SAMD5: variants seen among roughly 807,000 people sequenced by gnomAD.
SAMD5 encodes sterile alpha motif domain containing 5.
A neutral mutation model predicts 11.3 loss-of-function variants in SAMD5; 13 were observed. That is an observed-to-expected ratio of 1.15 (90% CI 0.75 to 1.83). The LOEUF (loss-of-function observed/expected upper bound fraction) is 1.83, where lower values mean the gene tolerates loss of function less well. Ranked by LOEUF, SAMD5 falls within the 40% of genes most tolerant of loss-of-function variation. The probability of loss-of-function intolerance (pLI) is 0.00; values close to 1 mark genes in which losing one functional copy is unlikely to be tolerated. For missense variants in SAMD5, 255 were observed against 239.1 expected, an observed-to-expected ratio of 1.07 and a Z score of -0.44; for synonymous variants, 129 against 111.3, an observed-to-expected ratio of 1.16 and a Z score of -1.00.
intron 1 of SAMD5, among the ~76,000 whole-genome samples, chr6:147,593,044 G>A (rs1454183095): frequency 1.3e-5 from 2 of 152,112 alleles, no homozygotes; most frequent in Non-Finnish European, 2.9e-5. Flanking sequence ...GGTTGTGAGG[G>A]ATTGGGTTTG....
the SAMD5 span, among the ~76,000 whole-genome samples, chr6:147,812,577 G>T: frequency 2.0e-5 from 3 of 151,738 alleles, no homozygotes; most frequent in Non-Finnish European, 4.4e-5. Flanking sequence ...TAAAAATCTT[G>T]CCCCAAATTT....
the SAMD5 span, among the ~76,000 whole-genome samples, chr6:147,887,726 G>A: frequency 6.6e-6 from 1 of 152,112 alleles, no homozygotes; most frequent in Non-Finnish European, 1.5e-5. Flanking sequence ...TGGTACCTAT[G>A]TTTAAATTTT....
chr6:147,739,433 A>G (rs562631061), downstream of SAMD5, among the ~76,000 whole-genome samples: 21 of 152,188 alleles, frequency 1.4e-4, no homozygotes, highest in African/African-American at 4.3e-4. Flanking sequence ...CATTTCTACC[A>G]AAAATAAAAA....
chr6:147,791,814 T>TACTAG, the SAMD5 span, among the ~76,000 whole-genome samples: 1 of 152,212 alleles, frequency 6.6e-6, no homozygotes, highest in Non-Finnish European at 1.5e-5. Flanking sequence ...AAATGCATAT[T>TACTAG]ACTAGCTGAG....
chr6:147,571,537 A>G (rs1789138955), downstream of SAMD5, among the ~76,000 whole-genome samples: 1 of 151,870 alleles, frequency 6.6e-6, no homozygotes, highest in Admixed American at 6.6e-5. Flanking sequence ...CATTCGTGTA[A>G]TTATGGACAC....
the SAMD5 span, among the ~76,000 whole-genome samples, chr6:147,845,069 T>A: frequency 6.6e-6 from 1 of 152,198 alleles, no homozygotes; most frequent in Non-Finnish European, 1.5e-5. Flanking sequence ...TTCCGCATTG[T>A]ATACACGTAT....
chr6:147,545,507 G>A (rs1330839837), intron 1 of SAMD5, among the ~76,000 whole-genome samples: 1 of 152,060 alleles, frequency 6.6e-6, no homozygotes, highest in Non-Finnish European at 1.5e-5. Context: ...GTTCCATGTT[G>A]ACATTCCTTA....
intron 1 of SAMD5, among the ~76,000 whole-genome samples, chr6:147,693,570 T>C (rs1037923559): frequency 6.6e-6 from 1 of 152,212 alleles, no homozygotes; most frequent in African/African-American, 2.4e-5. Flanking sequence ...AAGACTTTGG[T>C]TCACAATAAG....
At chr6:147,871,367 A>G in the SAMD5 span, among the ~76,000 whole-genome samples, 1 of 152,180 alleles carries the variant, frequency 6.6e-6, no homozygotes, top group South Asian at 2.1e-4. Flanking sequence ...AAACTATACA[A>G]ATTTACCATT....
At chr6:147,617,424 T>C (rs754342569) in intron 1 of SAMD5, among the ~76,000 whole-genome samples, 9 of 152,238 alleles carry the variant, frequency 5.9e-5, no homozygotes, top group Non-Finnish European at 1.2e-4. Context: ...TGGAATTGTT[T>C]TGTGACTTAT....
intron 1 of SAMD5, among the ~76,000 whole-genome samples, chr6:147,520,757 AGT>A (rs1788241320): frequency 6.6e-6 from 1 of 152,308 alleles, no homozygotes; most frequent in Admixed American, 6.5e-5. Flanking sequence ...ACAAATAAAA[AGT>A]GTATATATTT....
In SAMD5 at chr6:147,729,173, A is replaced by G. The variant is rs145616310; in HGVS notation, c.163-8144A>G. On this transcript the variant is annotated intron_variant, in intron 1 of 1. Coordinates refer to the SAMD5 transcript ENST00000566741. ...ATTCCTTGTGTCTTTTCCTCTTCTT[A>G]TAAGGACACCAGTCATATTGGATTA... 1.1e-3 allele frequency among the ~76,000 whole-genome samples: 162 copies of G among 152,280 alleles called. 3 individuals are homozygous for G. Among genetic ancestry groups the G allele is most frequent in the African/African-American group, 3.6e-3 (151 of 41,546 alleles).
At chr6:147,561,674 A>G (rs1250505740) in intron 1 of SAMD5, among the ~76,000 whole-genome samples, 1 of 152,166 alleles carries the variant, frequency 6.6e-6, no homozygotes, top group Non-Finnish European at 1.5e-5. Context: ...ATGAAATATG[A>G]GAAATGTGTG....
At chr6:147,764,138 C>A in the SAMD5 span, among the ~76,000 whole-genome samples, 1 of 152,170 alleles carries the variant, frequency 6.6e-6, no homozygotes, top group Non-Finnish European at 1.5e-5. Flanking sequence ...GAGCGTATTT[C>A]ATAAATAACT....
the SAMD5 span, among the ~76,000 whole-genome samples, chr6:147,761,225 A>G: frequency 1.3e-5 from 2 of 152,108 alleles, no homozygotes; most frequent in Non-Finnish European, 2.9e-5. Context: ...CTTAATTTCC[A>G]CAAATCTGAA....
the SAMD5 span, among the ~76,000 whole-genome samples, chr6:147,794,817 T>C: frequency 6.6e-6 from 1 of 152,104 alleles, no homozygotes; most frequent in Non-Finnish European, 1.5e-5. Context: ...TTTTAACAGG[T>C]CATTATAGGA....
chr6:147,530,180 T>C (rs1221015915), intron 1 of SAMD5, among the ~76,000 whole-genome samples: 1 of 152,250 alleles, frequency 6.6e-6, no homozygotes, highest in Non-Finnish European at 1.5e-5. Flanking sequence ...ATATTTATTT[T>C]TTGTGTTTGA....
At chr6:147,875,992 C>T in the SAMD5 span, among the ~76,000 whole-genome samples, 6 of 152,102 alleles carry the variant, frequency 3.9e-5, no homozygotes, top group Admixed American at 1.3e-4. Context: ...TCCCCTGGTC[C>T]GTGGAAAAAT....
At chr6:147,524,460 G>A (rs1468170381) in intron 1 of SAMD5, among the ~76,000 whole-genome samples, 2 of 150,786 alleles carry the variant, frequency 1.3e-5, no homozygotes, top group Non-Finnish European at 3.0e-5. Flanking sequence ...GTAAAAGCAA[G>A]AGCGCCTATA....
Sources: gnomAD v4.1 joint callset for allele counts (sites outside exome capture counted in the v4.1 genomes callset) on GRCh38, gnomAD v4.1.1 for gene constraint, MANE v1.5 for transcripts, NCBI Gene and HGNC (gene_info 2026-07-23, HGNC 2026-07-21) for gene names.